Variants in FGL1 observed in about 807,000 individuals in gnomAD.
The protein encoded by FGL1 is fibrinogen like 1, also known as fibrinogen-like protein 1.
A neutral mutation model predicts 43.7 loss-of-function variants in FGL1; 59 were observed. The observed-to-expected ratio is 1.35, with a 90% confidence interval of 1.10 to 1.68. The LOEUF is 1.68. FGL1 is among the 40% of genes most tolerant of loss of function. The pLI is 0.00. For synonymous variants in FGL1, 192 were observed against 126.5 expected, an observed-to-expected ratio of 1.52 and a Z score of -3.48; for missense variants, 596 against 373.0, an observed-to-expected ratio of 1.60 and a Z score of -4.92.
chr8:17,876,276 C>T (rs1050859914), intron 3 of FGL1, among the ~76,000 whole-genome samples: 1 of 151,768 alleles, frequency 6.6e-6, no homozygotes, highest in South Asian at 2.1e-4. Flanking sequence ...TACTAGATTG[C>T]CAAATTTACA....
rs1310647227 is a variant in FGL1, at chr8:17,868,577, T to C, written c.750A>G (p.Glu250=). The change falls in exon 7 of 8, where the codon GAA becomes GAG. Residue 250 remains glutamate (E), a synonymous_variant. Coordinates refer to ENST00000427924, the MANE Select transcript of FGL1 (RefSeq NM_004467.4). ...DHDNYEGNCA[E]EDQSGWWFNR... is the part of the protein sequence containing the mutation. ...TAAACCACCAGCCAGACTGATCTTC[T>C]TCTGCGCAGTTCCCTTCATAGTTGT... The C allele has an allele frequency of 1.2e-6, 2 of 1,613,466 alleles. No individual in the cohort carries two copies. The highest frequency in any genetic ancestry group is 1.7e-5 in the Admixed American group (1 of 59,790).
intron 2 of FGL1, among the ~76,000 whole-genome samples, chr8:17,885,166 G>A (rs539669132): frequency 4.6e-5 from 7 of 151,572 alleles, no homozygotes; most frequent in Non-Finnish European, 7.4e-5. Context: ...TCAGCCTCAC[G>A]AGTAGCTAGG....
At chr8:17,885,996 C>T (rs983844788) in intron 1 of FGL1, among the ~76,000 whole-genome samples, 4 of 152,178 alleles carry the variant, frequency 2.6e-5, no homozygotes, top group Non-Finnish European at 1.5e-5. Flanking sequence ...TTGAGTGATC[C>T]TCCCGCCTTG....
intron 7 of FGL1, among the ~76,000 whole-genome samples, chr8:17,866,291 G>A (rs777916479): frequency 1.3e-5 from 2 of 152,148 alleles, no homozygotes; most frequent in African/African-American, 2.4e-5. Flanking sequence ...GAACACTCAC[G>A]TGAAATGCTA....
chr8:17,875,536 T>TTC (rs200381064), intron 3 of FGL1, among the ~76,000 whole-genome samples: 164 of 12,748 alleles, frequency 0.013, 5 homozygotes, highest in African/African-American at 0.026. Flanking sequence ...TCTTTCTTTC[T>TTC]CTTTCTTTCT....
chr8:17,872,059 A>T (rs1471737370), intron 5 of FGL1, among the ~76,000 whole-genome samples: 2 of 152,160 alleles, frequency 1.3e-5, no homozygotes, highest in African/African-American at 4.8e-5. Flanking sequence ...TAAAACACTT[A>T]AAACTAGAAT....
chr8:17,868,696 C>T lies in FGL1; in HGVS notation c.631G>A (p.Ala211Thr). 6.2e-7 allele frequency: 1 copy of T among 1,613,692 alleles called. No homozygotes were observed. Among genetic ancestry groups the T allele is most frequent in the Non-Finnish European group, 8.5e-7 (1 of 1,179,886 alleles). ...ELNIGEYSGT[A>T]GDSLAGNFHP... is the part of the protein sequence containing the mutation. ...AAATTCCCCGCAAGGGAATCTCCAG[C>T]TGTTCCAGAATATTCCCCAATATTC... The change falls in exon 7 of 8, where the codon GCT becomes ACT. Residue 211 changes from alanine (A) to threonine (T), a missense_variant. Ala to Thr is a moderately conservative substitution (Grantham distance 58, BLOSUM62 0). Coordinates refer to ENST00000427924, the MANE Select transcript of FGL1 (RefSeq NM_004467.4).
At chr8:17,871,632 C>G (rs1037685420) in intron 5 of FGL1, among the ~76,000 whole-genome samples, 1 of 152,036 alleles carries the variant, frequency 6.6e-6, no homozygotes, top group African/African-American at 2.4e-5. Flanking sequence ...ATTGCCACTA[C>G]TTCTAGTTGA....
At chr8:17,880,146 A>G (rs2053513477) in intron 3 of FGL1, among the ~76,000 whole-genome samples, 1 of 152,164 alleles carries the variant, frequency 6.6e-6, no homozygotes, top group South Asian at 2.1e-4. Context: ...GGCTATAGCC[A>G]TCCCCACTAC....
In FGL1 at chr8:17,877,242, A is replaced by G. The variant is rs568403640; in HGVS notation, c.245-2721T>C. On this transcript the variant is annotated intron_variant, in intron 3 of 7. Transcript: ENST00000427924. Reference sequence around the variant, plus strand: ...TGTGTTCATGGGAGTTTTTTTTTTAAAAAAGAAAAAGAATTTTGAATATTT... The same window carrying G: ...TGTGTTCATGGGAGTTTTTTTTTTAGAAAAGAAAAAGAATTTTGAATATTT... 2.6e-5 allele frequency among the ~76,000 whole-genome samples: 4 copies of G among 152,140 alleles called. No homozygotes were observed. In the East Asian group the frequency reaches 7.7e-4, roughly 29 times the overall value.
At chr8:17,877,895 C>T (rs1483745537) in intron 3 of FGL1, among the ~76,000 whole-genome samples, 1 of 152,060 alleles carries the variant, frequency 6.6e-6, no homozygotes, top group Admixed American at 6.6e-5. Context: ...TAATAATGTC[C>T]ATAGATAGCT....
intron 7 of FGL1, among the ~76,000 whole-genome samples, chr8:17,866,141 G>T (rs150958424): frequency 6.6e-6 from 1 of 152,224 alleles, no homozygotes; most frequent in East Asian, 1.9e-4. Context: ...AATCCCATTA[G>T]GAAACTGACT....
At chr8:17,887,257 G>T (rs1368284586) in intron 1 of FGL1, among the ~76,000 whole-genome samples, 1 of 152,164 alleles carries the variant, frequency 6.6e-6, no homozygotes, top group East Asian at 1.9e-4. Flanking sequence ...GACTGACATT[G>T]GAGGATTCTC....
intron 7 of FGL1, among the ~76,000 whole-genome samples, chr8:17,867,443 T>C (rs1429015556): frequency 6.6e-6 from 1 of 152,224 alleles, no homozygotes; most frequent in East Asian, 1.9e-4. Flanking sequence ...ATAGTAGTTC[T>C]CTGTTTTTTC....
intron 5 of FGL1, among the ~76,000 whole-genome samples, chr8:17,869,764 C>G (rs1373947973): frequency 6.6e-6 from 1 of 152,118 alleles, no homozygotes; most frequent in African/African-American, 2.4e-5. Flanking sequence ...ATCAATGACT[C>G]TGAGTAAAAA....
chr8:17,881,907 G>T, intron 3 of FGL1, 92 bp downstream of exon 3: 1 of 1,048,728 alleles, frequency 9.5e-7, no homozygotes. Flanking sequence ...GCTTGTTACT[G>T]AAATAGGAAA....
At chr8:17,869,626 CA>C (rs1277886590) in intron 5 of FGL1, among the ~76,000 whole-genome samples, 2 of 152,114 alleles carry the variant, frequency 1.3e-5, no homozygotes, top group Non-Finnish European at 2.9e-5. Flanking sequence ...CTCTTAGCAT[CA>C]AAGTATGTAG....
intron 3 of FGL1, among the ~76,000 whole-genome samples, chr8:17,876,446 C>T (rs1391299834): frequency 6.6e-6 from 1 of 152,046 alleles, no homozygotes; most frequent in Non-Finnish European, 1.5e-5. Context: ...AGATGTTTAC[C>T]TTTGTAATGA....
At chr8:17,865,867 C>G (rs147781251) in intron 7 of FGL1, among the ~76,000 whole-genome samples, 1 of 150,950 alleles carries the variant, frequency 6.6e-6, no homozygotes, top group East Asian at 1.9e-4. Flanking sequence ...GGCTGAGTGG[C>G]TGGCTTGAAT....
Sources: allele counts gnomAD v4.1 joint callset (sites outside exome capture counted in the v4.1 genomes callset), GRCh38; gene constraint gnomAD v4.1.1; transcripts MANE v1.5; gene names NCBI Gene and HGNC (gene_info 2026-07-23, HGNC 2026-07-21).